Variants in PTCSC3 observed in about 807,000 individuals in gnomAD.
PTCSC3 encodes the protein papillary thyroid carcinoma susceptibility candidate 3 (non-protein coding).
At chr14:36,145,247 C>T (rs1396079650) in intron 3 of PTCSC3, among the ~76,000 whole-genome samples, 2 of 148,618 alleles carry the variant, frequency 1.3e-5, no homozygotes, top group African/African-American at 2.5e-5. Flanking sequence ...ACCAGTTCCT[C>T]TTTGTACCTC....
chr14:36,139,725 T>A (rs1881375592), intron 3 of PTCSC3, among the ~76,000 whole-genome samples: 1 of 152,218 alleles, frequency 6.6e-6, no homozygotes, highest in Non-Finnish European at 1.5e-5. Context: ...CTGAATGGAT[T>A]ATGAAGTGTT....
chr14:36,135,315 C>T (rs1881261403), downstream of PTCSC3, among the ~76,000 whole-genome samples: 1 of 152,006 alleles, frequency 6.6e-6, no homozygotes. Flanking sequence ...TTAATTTACC[C>T]TAAAGAGCCC....
chr14:36,151,855 AATT>A (rs143260792), intron 3 of PTCSC3, among the ~76,000 whole-genome samples: 3,632 of 152,288 alleles, frequency 0.024, 137 homozygotes, highest in African/African-American at 0.084. Flanking sequence ...TACATTTCAA[AATT>A]ATTATTTTTA....
intron 1 of PTCSC3, among the ~76,000 whole-genome samples, chr14:36,173,254 T>C (rs1280597127): frequency 5.3e-5 from 8 of 152,126 alleles, no homozygotes; most frequent in African/African-American, 1.9e-4. Context: ...TTAAAGTATA[T>C]AGAAGAATTT....
intron 3 of PTCSC3, among the ~76,000 whole-genome samples, chr14:36,142,747 G>A (rs917631793): frequency 1.1e-4 from 16 of 150,740 alleles, no homozygotes; most frequent in South Asian, 2.1e-4. Flanking sequence ...ATGCTGGTGC[G>A]CTGCACCCAC....
intron 3 of PTCSC3, among the ~76,000 whole-genome samples, chr14:36,143,428 ATG>A (rs1264184598): frequency 7.9e-6 from 1 of 127,122 alleles, no homozygotes; most frequent in Admixed American, 8.1e-5. Flanking sequence ...GCATTTTTTC[ATG>A]TGTTTTTTGG....
At chr14:36,141,272 A>AGCTT (rs974827580) in intron 3 of PTCSC3, among the ~76,000 whole-genome samples, 1 of 152,172 alleles carries the variant, frequency 6.6e-6, no homozygotes, top group African/African-American at 2.4e-5. Context: ...TTCACAAAAC[A>AGCTT]GCTTGCTAGG....
At chr14:36,146,455 G>T (rs1002965350) in intron 3 of PTCSC3, among the ~76,000 whole-genome samples, 93 of 151,444 alleles carry the variant, frequency 6.1e-4, no homozygotes, top group African/African-American at 2.2e-3. Context: ...TTGGTTTAAA[G>T]TCTGTTTTAT....
At chr14:36,139,486 A>G (rs942743136) in intron 3 of PTCSC3, among the ~76,000 whole-genome samples, 2 of 152,160 alleles carry the variant, frequency 1.3e-5, no homozygotes, top group Admixed American at 6.5e-5. Context: ...CTGTTTTACC[A>G]CCCAGATCTG....
intron 1 of PTCSC3, among the ~76,000 whole-genome samples, chr14:36,173,186 C>G (rs1882219612): frequency 6.6e-6 from 1 of 152,054 alleles, no homozygotes; most frequent in Admixed American, 6.6e-5. Flanking sequence ...TACAGGAAAT[C>G]TATTTCTGTA....
At chr14:36,168,467 C>T (rs1383576240) in intron 1 of PTCSC3, among the ~76,000 whole-genome samples, 2 of 149,516 alleles carry the variant, frequency 1.3e-5, no homozygotes, top group African/African-American at 5.0e-5. Context: ...TAGAATCCTT[C>T]CAGCTAGTTA....
intron 1 of PTCSC3, among the ~76,000 whole-genome samples, chr14:36,168,503 G>C (rs746810238): frequency 6.6e-6 from 1 of 151,602 alleles, no homozygotes; most frequent in Non-Finnish European, 1.5e-5. Flanking sequence ...TAGTTATGCT[G>C]TCTACTGTAT....
intron 3 of PTCSC3, among the ~76,000 whole-genome samples, chr14:36,140,039 T>A (rs995864595): frequency 6.6e-6 from 1 of 152,218 alleles, no homozygotes; most frequent in African/African-American, 2.4e-5. Flanking sequence ...TTTTATTCCC[T>A]CTATTGTTTT....
At chr14:36,144,296 G>T (rs1881502331) in intron 3 of PTCSC3, among the ~76,000 whole-genome samples, 1 of 147,616 alleles carries the variant, frequency 6.8e-6, no homozygotes, top group Non-Finnish European at 1.5e-5. Flanking sequence ...CATGAGCATG[G>T]AATGTTCTTC....
At chr14:36,147,976 G>C (rs1330686827) in intron 3 of PTCSC3, among the ~76,000 whole-genome samples, 1 of 151,986 alleles carries the variant, frequency 6.6e-6, no homozygotes, top group Non-Finnish European at 1.5e-5. Flanking sequence ...AGACTGCTCG[G>C]GGGTCAGGGG....
Position 36,149,297 on chromosome 14 carries a change from G to T in PTCSC3, n.322+4507C>A, listed in dbSNP as rs540159763. On this transcript the variant is annotated intron_variant and non_coding_transcript_variant, in intron 3 of 3. Transcript: ENST00000556013. ...TCTCCAAATATTTGAGATCCATCTC[G>T]ATATTTTTATTGATTTCTATTTTAA... 2.2e-4 allele frequency among the ~76,000 whole-genome samples: 34 copies of T among 152,042 alleles called. No homozygotes were observed. In the South Asian group the frequency reaches 7.1e-3, roughly 32 times the overall value.
At position 36,147,308 on chromosome 14, in the gene PTCSC3, C is replaced by T. The variant is rs200105513; in HGVS notation, n.322+6496G>A. Among the ~76,000 whole-genome samples the T allele has an allele frequency of 7.5e-3, 1,139 of 152,284 alleles. 8 individuals carry two copies. Among genetic ancestry groups the T allele is most frequent in the East Asian group, 0.015 (76 of 5,192 alleles). ...ATCACTTTCAGGTACACCAATCAGA[C>T]GTAGATTTGGTCTTTTCACATAGTC... On this transcript the variant is annotated intron_variant and non_coding_transcript_variant, in intron 3 of 3. Coordinates refer to ENST00000556013, the Ensembl canonical transcript of PTCSC3.
At chr14:36,155,337 G>A (rs1284686378) in intron 2 of PTCSC3, among the ~76,000 whole-genome samples, 1 of 152,058 alleles carries the variant, frequency 6.6e-6, no homozygotes. Context: ...ACTTTATCAA[G>A]AAAACCTAGT....
chr14:36,150,844 A>C (rs139648034), intron 3 of PTCSC3, among the ~76,000 whole-genome samples: 1 of 152,140 alleles, frequency 6.6e-6, no homozygotes, highest in Non-Finnish European at 1.5e-5. Context: ...ACATTGGTGC[A>C]TTTATTCTAT....
Sources: allele counts gnomAD v4.1 joint callset (sites outside exome capture counted in the v4.1 genomes callset), GRCh38; gene constraint gnomAD v4.1.1; transcripts MANE v1.5; gene names NCBI Gene and HGNC (gene_info 2026-07-23, HGNC 2026-07-21).